The following CCDC73 variants were observed in gnomAD, a reference collection of about 807,000 sequenced individuals.
CCDC73 encodes coiled-coil domain containing 73.
CCDC73 carries 95 observed loss-of-function variants against 116.5 expected under a neutral mutation model. The observed-to-expected ratio is 0.82, with a 90% confidence interval of 0.69 to 0.97. The LOEUF (loss-of-function observed/expected upper bound fraction) is 0.97. CCDC73 is among the 50% of genes least tolerant of loss of function. The probability of loss-of-function intolerance (pLI) is 0.00; values close to 1 mark genes in which losing one functional copy is unlikely to be tolerated. For missense variants in CCDC73, 1,066 were observed against 1,206.8 expected, an observed-to-expected ratio of 0.88 and a Z score of 1.73; for synonymous variants, 398 against 401.3, an observed-to-expected ratio of 0.99 and a Z score of 0.10.
At chr11:32,794,404 C>A (rs1209885081) in intron 1 of CCDC73, 4 of 152,304 alleles carry the variant, frequency 2.6e-5, no homozygotes, top group Non-Finnish European at 5.9e-5. Context: ...AGTGTGGCTG[C>A]TTCTCCTGGG....
intron 2 of CCDC73, among the ~76,000 whole-genome samples, chr11:32,742,570 G>A (rs952125674): frequency 2.0e-5 from 3 of 152,144 alleles, no homozygotes; most frequent in African/African-American, 7.2e-5. Context: ...TTTGTCAGAT[G>A]AGTAGATTGC....
chr11:32,675,742 T>G (rs1378496622), intron 8 of CCDC73, 98 bp from the exon 9 acceptor site: 2 of 1,202,504 alleles, frequency 1.7e-6, no homozygotes, highest in Non-Finnish European at 2.4e-6. Context: ...CAATGCAATA[T>G]ATATGTTATT....
chr11:32,703,366 C>T (rs774761581), intron 3 of CCDC73, among the ~76,000 whole-genome samples: 2 of 151,978 alleles, frequency 1.3e-5, no homozygotes, highest in African/African-American at 2.4e-5. Context: ...GGATTACAGG[C>T]ATGAGCCACT....
At chr11:32,704,781 T>C (rs1849841845) in intron 3 of CCDC73, among the ~76,000 whole-genome samples, 1 of 152,148 alleles carries the variant, frequency 6.6e-6, no homozygotes, top group Non-Finnish European at 1.5e-5. Flanking sequence ...AAACACACAC[T>C]TCCTCCACTC....
rs1491493212 is a variant in CCDC73 at position 32,755,533 on chromosome 11, CAA to C, written c.135+4574_135+4575del. The stretch of plus-strand genomic sequence containing the variant: ...TGGGTGACAAAGCAAGACTCCATCT[CAA>C]AATATATATATATATATATATATAT... On this transcript the variant is annotated intron_variant, in intron 2 of 17. Coordinates refer to ENST00000335185, the MANE Select transcript of CCDC73 (RefSeq NM_001008391.4). 2.3e-4 allele frequency among the ~76,000 whole-genome samples: 12 copies of C among 52,876 alleles called. 1 individual carries two copies. The highest frequency in any genetic ancestry group is 8.3e-4 in the African/African-American group (11 of 13,180). The allele number at this position is 52,876 out of a possible 152,430, so 34.7% of individuals were successfully genotyped here.
intron 12 of CCDC73, among the ~76,000 whole-genome samples, chr11:32,645,536 G>A (rs969499234): frequency 1.4e-4 from 22 of 151,756 alleles, no homozygotes; most frequent in African/African-American, 4.8e-4. Context: ...TGATCCGCCC[G>A]CCTTGGCCTC....
chr11:32,754,025 T>C (rs1850311118), intron 2 of CCDC73, among the ~76,000 whole-genome samples: 1 of 152,260 alleles, frequency 6.6e-6, no homozygotes, highest in African/African-American at 2.4e-5. Context: ...TATTTATTCC[T>C]GCAACTATGT....
At chr11:32,758,513 G>C (rs925777581) in intron 2 of CCDC73, 6 of 458,958 alleles carry the variant, frequency 1.3e-5, no homozygotes, top group Non-Finnish European at 2.1e-5. Flanking sequence ...TTCCATGTAT[G>C]CTAATTGTGT....
intron 9 of CCDC73, among the ~76,000 whole-genome samples, chr11:32,668,513 A>C (rs1856008189): frequency 6.8e-6 from 1 of 146,736 alleles, no homozygotes; most frequent in Non-Finnish European, 1.5e-5. Flanking sequence ...AAAATCAAAG[A>C]TTGGATTTAC....
At chr11:32,736,834 A>G (rs1850134606) in intron 2 of CCDC73, among the ~76,000 whole-genome samples, 1 of 152,022 alleles carries the variant, frequency 6.6e-6, no homozygotes, top group East Asian at 1.9e-4. Flanking sequence ...TGCAGCCATA[A>G]GAAAGGATGA....
chr11:32,613,803 A>G lies in CCDC73; in HGVS notation c.2515T>C (p.Leu839=). ...TCTGTTTTCTCTGTATTATTTAACA[A>G]TGTATGCTGTCTTTCATTAATGCTC... ...FVSINERQHT[L]LNNTEKTESL... The change falls in exon 16 of 18, where the codon TTG becomes CTG. Residue 839 remains leucine, a synonymous_variant. Coordinates refer to ENST00000335185, the MANE Select transcript of CCDC73 (RefSeq NM_001008391.4). 3.1e-6 allele frequency: 5 copies of G among 1,613,824 alleles called. No homozygotes were observed. Among genetic ancestry groups the G allele is most frequent in the Non-Finnish European group, 4.2e-6 (5 of 1,179,944 alleles).
At chr11:32,701,533 G>C (rs930134853) in intron 4 of CCDC73, among the ~76,000 whole-genome samples, 1 of 151,828 alleles carries the variant, frequency 6.6e-6, no homozygotes, top group African/African-American at 2.4e-5. Context: ...AGACTTCCTT[G>C]ACAAAAAACT....
intron 1 of CCDC73, among the ~76,000 whole-genome samples, chr11:32,792,436 C>G (rs11031984): frequency 0.034 from 5,220 of 152,122 alleles, 124 homozygotes; most frequent in East Asian, 0.12. Context: ...GCTGTGAGTT[C>G]AAAAAAAGTT....
chr11:32,794,098 G>A (rs149956600), intron 1 of CCDC73, among the ~76,000 whole-genome samples: 1 of 152,142 alleles, frequency 6.6e-6, no homozygotes, highest in East Asian at 1.9e-4. Context: ...TAGAACTTTC[G>A]CACTATACTT....
chr11:32,617,574 G>T (rs1272309032), intron 14 of CCDC73, among the ~76,000 whole-genome samples: 1 of 152,186 alleles, frequency 6.6e-6, no homozygotes, highest in Non-Finnish European at 1.5e-5. Context: ...CAGTCCAGGT[G>T]ATATCAGTAA....
At chr11:32,816,534 A>T in the CCDC73 span, among the ~76,000 whole-genome samples, 4 of 152,178 alleles carry the variant, frequency 2.6e-5, no homozygotes, top group African/African-American at 9.7e-5. Flanking sequence ...GCCCAAAGTC[A>T]AGTGGAAAAA....
chr11:32,626,501 A>C (rs1427555664), intron 14 of CCDC73, among the ~76,000 whole-genome samples: 1 of 152,234 alleles, frequency 6.6e-6, no homozygotes, highest in Non-Finnish European at 1.5e-5. Flanking sequence ...GGAACCAAAA[A>C]AGAGCCCACA....
intron 2 of CCDC73, among the ~76,000 whole-genome samples, chr11:32,732,780 G>C (rs1850091251): frequency 6.6e-6 from 1 of 152,254 alleles, no homozygotes; most frequent in East Asian, 1.9e-4. Context: ...ACTAAACATG[G>C]AAAGGAACAA....
At chr11:32,629,073 T>G (rs542473806) in intron 14 of CCDC73, among the ~76,000 whole-genome samples, 2 of 151,626 alleles carry the variant, frequency 1.3e-5, no homozygotes, top group African/African-American at 2.4e-5. Flanking sequence ...AAAAAAGAAA[T>G]ACAAATGAAC....
Sources: gnomAD v4.1 joint callset for allele counts (sites outside exome capture counted in the v4.1 genomes callset) on GRCh38, gnomAD v4.1.1 for gene constraint, MANE v1.5 for transcripts, NCBI Gene and HGNC (gene_info 2026-07-23, HGNC 2026-07-21) for gene names.